Variants in DNM1L observed in about 807,000 individuals in gnomAD.
DNM1L encodes dynamin-1-like protein.
DNM1L carries 33 observed loss-of-function variants against 92.8 expected under a neutral mutation model. The ratio of observed to expected loss-of-function variants is 0.36; its 90% CI spans 0.27 to 0.48. The LOEUF is 0.48. Among genes scored for constraint, DNM1L ranks in the 20% least tolerant of loss-of-function variants. The probability of loss-of-function intolerance (pLI) is 0.99; values close to 1 mark genes in which losing one functional copy is unlikely to be tolerated. For missense variants in DNM1L, 485 were observed against 888.8 expected (o/e 0.55, Z 5.78); for synonymous variants, 284 against 305.0 (o/e 0.93, Z 0.72).
At chr12:32,707,649 G>C (rs1214137713) in intron 3 of DNM1L, among the ~76,000 whole-genome samples, 1 of 152,116 alleles carries the variant, frequency 6.6e-6, no homozygotes, top group Non-Finnish European at 1.5e-5. Context: ...GGATCAGGAA[G>C]CTTTGAAAAG....
chr12:32,710,791 G>A, intron 4 of DNM1L, 138 bp from the exon 5 acceptor site: 2 of 687,888 alleles, frequency 2.9e-6, no homozygotes, highest in Non-Finnish European at 4.7e-6. Context: ...TGTTTCATCA[G>A]GTTTTGATTG....
In DNM1L at chr12:32,684,559, C is replaced by T. The variant is rs542612225; in HGVS notation, c.102+5094C>T. Among the ~76,000 whole-genome samples, 5 of 152,176 alleles carry T rather than the reference C, an allele frequency of 3.3e-5. 1 individual carries two copies. In the South Asian group the frequency reaches 1.0e-3, roughly 32 times the overall value. ...ATGGCACAATCTCAGCTCACTGCAACCCTTCACCTTCCGGGTTCAGGTGAT... is the reference window on the plus strand; with the variant it reads ...ATGGCACAATCTCAGCTCACTGCAATCCTTCACCTTCCGGGTTCAGGTGAT... On this transcript the variant is annotated intron_variant, in intron 1 of 19. Transcript: ENST00000549701.
At chr12:32,686,743 C>T (rs1952026466) in intron 1 of DNM1L, among the ~76,000 whole-genome samples, 1 of 152,066 alleles carries the variant, frequency 6.6e-6, no homozygotes, top group East Asian at 1.9e-4. Flanking sequence ...TTTAAAATTC[C>T]CACCAGCAAT....
chr12:32,707,358 T>C lies in DNM1L; in HGVS notation c.251-9T>C, dbSNP rs1592602653. ...TAGTTTCCAATAAATGAGTTTTTCTTTTTTCCAGGGGTGGAAGCAGAAGAA... is the reference window on the plus strand; with the variant it reads ...TAGTTTCCAATAAATGAGTTTTTCTCTTTTCCAGGGGTGGAAGCAGAAGAA... On this transcript the variant is annotated splice_polypyrimidine_tract_variant and intron_variant, in intron 2 of 19. Coordinates refer to ENST00000549701, the MANE Select transcript of DNM1L (RefSeq NM_012062.5). 2 of 1,606,312 alleles carry C rather than the reference T, an allele frequency of 1.2e-6. No individual in the cohort carries two copies. The highest frequency in any genetic ancestry group is 1.7e-6 in the Non-Finnish European group (2 of 1,176,662).
chr12:32,714,745 G>A (rs1278361153), intron 6 of DNM1L, among the ~76,000 whole-genome samples: 2 of 151,714 alleles, frequency 1.3e-5, no homozygotes, highest in African/African-American at 4.8e-5. Flanking sequence ...CAAGCACTTT[G>A]GGAGGCCAAG....
chr12:32,703,164 A>T (rs1352930699), intron 2 of DNM1L, among the ~76,000 whole-genome samples: 1 of 151,888 alleles, frequency 6.6e-6, no homozygotes, highest in Non-Finnish European at 1.5e-5. Context: ...CCTTAGATAA[A>T]ATTGTGCTTG....
intron 1 of DNM1L, among the ~76,000 whole-genome samples, chr12:32,689,307 A>G (rs1373541810): frequency 2.0e-5 from 3 of 151,942 alleles, no homozygotes; most frequent in African/African-American, 4.8e-5. Context: ...AAGTGATTCT[A>G]CTGTCTCAGC....
intron 4 of DNM1L, 52 bp from the exon 5 acceptor site, chr12:32,710,877 T>G: frequency 7.6e-7 from 1 of 1,321,240 alleles, no homozygotes; most frequent in Non-Finnish European, 1.1e-6. Flanking sequence ...AAATGAAGTT[T>G]ATTACTTCAT....
At chr12:32,707,214 T>C (rs1326884772) in intron 2 of DNM1L, 153 bp from the exon 3 acceptor site, 2 of 540,538 alleles carry the variant, frequency 3.7e-6, no homozygotes, top group African/African-American at 2.0e-5. Flanking sequence ...TAGAAAAATA[T>C]AATTTAGCAG....
chr12:32,730,572 T>C (rs963075836), intron 9 of DNM1L, among the ~76,000 whole-genome samples: 1 of 152,166 alleles, frequency 6.6e-6, no homozygotes, highest in African/African-American at 2.4e-5. Flanking sequence ...TGCTTAATGG[T>C]AGAGTTGAGT....
chr12:32,686,844 T>C (rs1409162092), intron 1 of DNM1L, among the ~76,000 whole-genome samples: 1 of 152,228 alleles, frequency 6.6e-6, no homozygotes, highest in Non-Finnish European at 1.5e-5. Flanking sequence ...GAAGTTTTGT[T>C]TTGCATTTCC....
chr12:32,731,290 T>TTTC lies in DNM1L; in HGVS notation c.1201-63_1201-61dup, dbSNP rs1245439334. ...TCATGAAAAGTACCAAAAATGTGAC[T>TTTC]TTCTTAACCCTTGGGAAGAACTGAA... On this transcript the variant is annotated intron_variant, in intron 10 of 19. Coordinates refer to ENST00000549701, the MANE Select transcript of DNM1L (RefSeq NM_012062.5). The surrounding 1 kb of genome is among the most constrained non-coding windows in gnomAD (Gnocchi z 5.1). The TTTC allele has an allele frequency of 3.7e-6, 6 of 1,601,234 alleles. No individual in the cohort carries two copies. Among genetic ancestry groups the TTTC allele is most frequent in the African/African-American group, 1.4e-5 (1 of 74,030 alleles).
chr12:32,730,234 C>T (rs912476527), intron 9 of DNM1L, among the ~76,000 whole-genome samples: 1 of 152,124 alleles, frequency 6.6e-6, no homozygotes, highest in Non-Finnish European at 1.5e-5. Flanking sequence ...CATGGTGGCA[C>T]ATGCCTGTAG....
rs574251279 is a variant in DNM1L at position 32,686,099 on chromosome 12, G to C, written c.102+6634G>C. ...GAGTTTTGCTCTTGTTGCCCAGGCT[G>C]GAGTGCAATGGCGCGATCTCGGCTC... On this transcript the variant is annotated intron_variant, in intron 1 of 19. Coordinates refer to ENST00000549701, the MANE Select transcript of DNM1L (RefSeq NM_012062.5). Among the ~76,000 whole-genome samples, 18 of 131,808 alleles carry C rather than the reference G, an allele frequency of 1.4e-4. No homozygotes were observed. In the East Asian group the frequency reaches 4.0e-3, roughly 29 times the overall value. The allele number at this position is 131,808 out of a possible 152,430, so 86.5% of individuals were successfully genotyped here.
At chr12:32,742,455 C>T (rs935273708) in intron 18 of DNM1L, 134 bp from the exon 19 acceptor site, 9 of 1,135,580 alleles carry the variant, frequency 7.9e-6, no homozygotes, top group African/African-American at 4.6e-5. Flanking sequence ...ATCTAAAGGG[C>T]GATTATGCCA....
At chr12:32,684,065 C>G (rs766899069) in intron 1 of DNM1L, among the ~76,000 whole-genome samples, 1 of 152,188 alleles carries the variant, frequency 6.6e-6, no homozygotes, top group Admixed American at 6.5e-5. Context: ...CAAAATTCAC[C>G]CTTATAAAGT....
At chr12:32,683,427 A>C (rs1204307322) in intron 1 of DNM1L, among the ~76,000 whole-genome samples, 1 of 151,890 alleles carries the variant, frequency 6.6e-6, no homozygotes, top group Non-Finnish European at 1.5e-5. Flanking sequence ...TATGTTGCCA[A>C]GGCTGGTCTC....
chr12:32,697,561 G>T (rs1315885583), intron 1 of DNM1L, among the ~76,000 whole-genome samples: 3 of 152,190 alleles, frequency 2.0e-5, no homozygotes, highest in African/African-American at 7.2e-5. Flanking sequence ...ACAAGTAATT[G>T]TGTTATTCTA....
At chr12:32,714,101 C>T (rs145749135) in intron 6 of DNM1L, among the ~76,000 whole-genome samples, 1 of 152,122 alleles carries the variant, frequency 6.6e-6, no homozygotes, top group African/African-American at 2.4e-5. Flanking sequence ...TATGCATGGC[C>T]TCATATAGAA....
Sources: gnomAD v4.1 joint callset for allele counts (sites outside exome capture counted in the v4.1 genomes callset) on GRCh38, gnomAD v4.1.1 for gene constraint, Gnocchi (gnomAD v3.1) non-coding constraint, MANE v1.5 for transcripts, NCBI Gene and HGNC (gene_info 2026-07-23, HGNC 2026-07-21) for gene names.